Variants in SEMA5B observed in about 807,000 individuals in gnomAD.
SEMA5B encodes semaphorin-5B.
A neutral mutation model predicts 135.0 loss-of-function variants in SEMA5B; 66 were observed. The observed-to-expected ratio is 0.49, with a 90% CI of 0.40 to 0.60. The LOEUF (loss-of-function observed/expected upper bound fraction) is 0.60, where lower values mean the gene tolerates loss of function less well. Ranked by LOEUF, SEMA5B falls within the 20% of genes least tolerant of loss-of-function variation. SEMA5B has a pLI of 0.00. For missense variants in SEMA5B, 1,501 were observed against 1,566.3 expected (o/e 0.96, Z 0.70); for synonymous variants, 690 against 639.5 (o/e 1.08, Z -1.19).
At chr3:122,985,734 G>A (rs1941677574) in intron 1 of SEMA5B, among the ~76,000 whole-genome samples, 1 of 152,176 alleles carries the variant, frequency 6.6e-6, no homozygotes, top group South Asian at 2.1e-4. Context: ...GAGAAAGCTA[G>A]GGGATCTCCC....
rs1045880203 is a variant in SEMA5B at position 122,921,994 on chromosome 3, C to T, written c.1609G>A (p.Ala537Thr). ...CTCAGCCCCACGAAGAGCGCGCGGGCGCTGTGCAGGATGCGCAGGCTGCGC... is the reference window on the plus strand; with the variant it reads ...CTCAGCCCCACGAAGAGCGCGCGGGTGCTGTGCAGGATGCGCAGGCTGCGC... ...PLRSLRILHSARALFVGLRDG... is the reference protein window; with the variant it reads ...PLRSLRILHSTRALFVGLRDG... Residue 537 changes from alanine (A) to threonine (T), a missense_variant, in exon 12 of 23, where the codon GCC (alanine) becomes ACC (threonine). By Grantham distance (58) the Ala-to-Thr change is moderately conservative (BLOSUM62 0). Coordinates refer to ENST00000357599, the MANE Select transcript of SEMA5B (RefSeq NM_001031702.4). The T allele has an allele frequency of 1.3e-5, 20 of 1,534,312 alleles. No individual in the cohort carries two copies. The African/African-American group carries it at 1.9e-4, about 15-fold the overall frequency.
chr3:123,002,761 G>C (rs1942211736), intron 1 of SEMA5B, among the ~76,000 whole-genome samples: 1 of 152,190 alleles, frequency 6.6e-6, no homozygotes. Flanking sequence ...TTTGAGCACA[G>C]GGTTATTTAT....
intron 9 of SEMA5B, among the ~76,000 whole-genome samples, chr3:122,924,026 C>T (rs1938504453): frequency 6.6e-6 from 1 of 152,056 alleles, no homozygotes; most frequent in Non-Finnish European, 1.5e-5. Flanking sequence ...AATACAGTGG[C>T]TTTCAAACAT....
chr3:122,921,306 T>C (rs35850943), intron 12 of SEMA5B, among the ~76,000 whole-genome samples: 18,996 of 152,162 alleles, frequency 0.12, 1,584 homozygotes, highest in East Asian at 0.43. Context: ...GTTTCCCCCT[T>C]AAACACTGAT....
intron 12 of SEMA5B, among the ~76,000 whole-genome samples, chr3:122,921,629 T>C (rs893953581): frequency 3.3e-5 from 5 of 152,160 alleles, no homozygotes; most frequent in African/African-American, 1.2e-4. Context: ...TAGCTATGTG[T>C]TTGACAACAG....
intron 12 of SEMA5B, among the ~76,000 whole-genome samples, chr3:122,920,513 G>T (rs1021019382): frequency 1.3e-5 from 2 of 152,200 alleles, no homozygotes; most frequent in Non-Finnish European, 2.9e-5. Flanking sequence ...CATTTGGGGA[G>T]ATAAGAAGTA....
chr3:122,972,435 G>T (rs1476652807), intron 1 of SEMA5B, among the ~76,000 whole-genome samples: 2 of 152,174 alleles, frequency 1.3e-5, no homozygotes, highest in African/African-American at 4.8e-5. Flanking sequence ...CCCTCATCCA[G>T]TTATGTGTGT....
intron 1 of SEMA5B, among the ~76,000 whole-genome samples, chr3:122,978,516 A>G (rs1268714354): frequency 1.3e-5 from 2 of 152,128 alleles, no homozygotes; most frequent in African/African-American, 4.8e-5. Flanking sequence ...ACTGGTGATT[A>G]GAGTTATGTT....
At chr3:122,919,502 G>A (rs781728742) in intron 12 of SEMA5B, among the ~76,000 whole-genome samples, 3 of 152,138 alleles carry the variant, frequency 2.0e-5, no homozygotes, top group Non-Finnish European at 4.4e-5. Flanking sequence ...GCAGAGGAGG[G>A]AGCCTGAAGA....
At chr3:122,957,909 C>T (rs1940405137) in intron 2 of SEMA5B, among the ~76,000 whole-genome samples, 1 of 152,208 alleles carries the variant, frequency 6.6e-6, no homozygotes, top group Admixed American at 6.5e-5. Flanking sequence ...AGCAGCCCTC[C>T]CAGTTTAATT....
intron 1 of SEMA5B, among the ~76,000 whole-genome samples, chr3:123,023,202 C>T (rs894500269): frequency 6.6e-6 from 1 of 152,214 alleles, no homozygotes; most frequent in African/African-American, 2.4e-5. Context: ...TCTTGCCATA[C>T]ATTTAAGACC....
intron 3 of SEMA5B, among the ~76,000 whole-genome samples, chr3:122,945,407 T>A (rs917828356): frequency 6.6e-6 from 1 of 152,106 alleles, no homozygotes; most frequent in African/African-American, 2.4e-5. Flanking sequence ...AAATATTACA[T>A]TACCTTAGAA....
rs564329592 is a variant in SEMA5B at position 122,919,855 on chromosome 3, A to G, written c.1688+2060T>C. ...AATAGGATGAAAGCACCAAACTCCAAACTGACCTCTTTGTGCCTTGCTCCA... is the reference window on the plus strand; with the variant it reads ...AATAGGATGAAAGCACCAAACTCCAGACTGACCTCTTTGTGCCTTGCTCCA... On this transcript the variant is annotated intron_variant, in intron 12 of 22. Coordinates refer to ENST00000357599, the MANE Select transcript of SEMA5B (RefSeq NM_001031702.4). 3.2e-4 allele frequency among the ~76,000 whole-genome samples: 49 copies of G among 152,254 alleles called. No individual in the cohort carries two copies. In the South Asian group the frequency reaches 6.4e-3, roughly 20 times the overall value.
At chr3:123,003,798 C>A (rs180801423) in intron 1 of SEMA5B, among the ~76,000 whole-genome samples, 7 of 152,060 alleles carry the variant, frequency 4.6e-5, no homozygotes, top group African/African-American at 1.7e-4. Context: ...TGCGCCACTG[C>A]ACTCCAGCCT....
chr3:123,016,890 ATTTTTTTTTTTT>A (rs59106085), intron 1 of SEMA5B, among the ~76,000 whole-genome samples: 1 of 108,756 alleles, frequency 9.2e-6, no homozygotes, highest in South Asian at 2.8e-4. Context: ...CCTCAGGTGC[ATTTTTTTTTTTT>A]TTTTTTTTTG....
intron 1 of SEMA5B, among the ~76,000 whole-genome samples, chr3:122,990,697 G>A (rs1041138700): frequency 2.0e-5 from 3 of 152,150 alleles, no homozygotes; most frequent in African/African-American, 7.2e-5. Flanking sequence ...CTCCTGGACC[G>A]ATGAAGAACA....
chr3:122,943,359 T>G, intron 4 of SEMA5B, 77 bp downstream of exon 4: 3 of 1,039,426 alleles, frequency 2.9e-6, no homozygotes, highest in Non-Finnish European at 2.9e-6. Context: ...CCCAGGTGAG[T>G]TCATCCTGAA....
chr3:122,950,663 C>T (rs112954000), intron 2 of SEMA5B, among the ~76,000 whole-genome samples: 215 of 152,208 alleles, frequency 1.4e-3, no homozygotes, highest in African/African-American at 4.9e-3. Context: ...TTGAATTTTA[C>T]GTAAGTATCC....
chr3:122,984,559 A>G (rs978928568), intron 1 of SEMA5B, among the ~76,000 whole-genome samples: 2 of 152,218 alleles, frequency 1.3e-5, no homozygotes, highest in Non-Finnish European at 2.9e-5. Context: ...AACCCACAGC[A>G]GAATCCTGGG....
Sources: gnomAD v4.1 joint callset for allele counts (sites outside exome capture counted in the v4.1 genomes callset) on GRCh38, gnomAD v4.1.1 for gene constraint, MANE v1.5 for transcripts, NCBI Gene and HGNC (gene_info 2026-07-23, HGNC 2026-07-21) for gene names.